The following TBC1D32 variants were observed in gnomAD, a reference collection of about 807,000 sequenced individuals.
TBC1D32 encodes the protein protein broad-minded.
TBC1D32 carries 151 observed loss-of-function variants against 170.3 expected under a neutral mutation model. That is an observed-to-expected ratio of 0.89 (90% CI 0.78 to 1.01). The LOEUF is 1.01. Ranked by LOEUF, TBC1D32 falls within the 50% of genes least tolerant of loss-of-function variation. TBC1D32 has a pLI of 0.00. For missense variants in TBC1D32, 1,464 were observed against 1,457.1 expected, an observed-to-expected ratio of 1.00 and a Z score of -0.08; for synonymous variants, 498 against 488.0, an observed-to-expected ratio of 1.02 and a Z score of -0.27.
chr6:121,308,784 A>T (rs2128485473), intron 4 of TBC1D32, among the ~76,000 whole-genome samples: 1 of 146,724 alleles, frequency 6.8e-6, no homozygotes, highest in Middle Eastern at 3.4e-3. Context: ...CAGAAAGCTT[A>T]CTTCTTAATC....
At chr6:121,181,744 A>C (rs1788540760) in intron 22 of TBC1D32, among the ~76,000 whole-genome samples, 1 of 152,140 alleles carries the variant, frequency 6.6e-6, no homozygotes, top group African/African-American at 2.4e-5. Context: ...ATCAACAAAT[A>C]AATAAAGAAA....
intron 21 of TBC1D32, among the ~76,000 whole-genome samples, chr6:121,219,590 G>C (rs1174571951): frequency 2.0e-5 from 3 of 152,166 alleles, no homozygotes; most frequent in African/African-American, 7.2e-5. Context: ...CGTATAATGT[G>C]CTAGATTTAT....
chr6:121,201,354 G>C (rs1236507832), intron 22 of TBC1D32, among the ~76,000 whole-genome samples: 1 of 151,420 alleles, frequency 6.6e-6, no homozygotes, highest in African/African-American at 2.5e-5. Flanking sequence ...GAGGAAGATA[G>C]GGTCTCTGAC....
intron 21 of TBC1D32, among the ~76,000 whole-genome samples, chr6:121,209,594 C>T (rs1273361469): frequency 2.0e-5 from 3 of 152,118 alleles, no homozygotes; most frequent in Non-Finnish European, 4.4e-5. Context: ...CTTCCTGTGT[C>T]TGGCTTATTT....
intron 22 of TBC1D32, among the ~76,000 whole-genome samples, chr6:121,203,301 A>C (rs1310652204): frequency 6.6e-6 from 1 of 151,444 alleles, no homozygotes; most frequent in Non-Finnish European, 1.5e-5. Context: ...TAGAAATCTC[A>C]AAACTACATT....
intron 26 of TBC1D32, among the ~76,000 whole-genome samples, chr6:121,116,800 G>A (rs1779728725): frequency 6.6e-6 from 1 of 152,180 alleles, no homozygotes; most frequent in African/African-American, 2.4e-5. Flanking sequence ...CTTACATAGT[G>A]GTCTAGTTGT....
At chr6:121,193,175 G>T in intron 22 of TBC1D32, among the ~76,000 whole-genome samples, 1 of 152,310 alleles carries the variant, frequency 6.6e-6, no homozygotes, top group East Asian at 1.9e-4. Flanking sequence ...ATTGATTTAG[G>T]TCCACTAAGT....
chr6:121,121,757 C>T (rs927231317), intron 26 of TBC1D32, among the ~76,000 whole-genome samples: 1 of 151,804 alleles, frequency 6.6e-6, no homozygotes, highest in Non-Finnish European at 1.5e-5. Flanking sequence ...CATTTATTGA[C>T]GTTATTGTTC....
At chr6:121,118,789 T>G (rs1191866137) in intron 26 of TBC1D32, among the ~76,000 whole-genome samples, 2 of 152,172 alleles carry the variant, frequency 1.3e-5, no homozygotes, top group Non-Finnish European at 2.9e-5. Context: ...AAAGTCAGTC[T>G]GTAAGTTCTG....
At chr6:121,188,867 C>T (rs772197801) in intron 22 of TBC1D32, among the ~76,000 whole-genome samples, 1 of 152,128 alleles carries the variant, frequency 6.6e-6, no homozygotes, top group Non-Finnish European at 1.5e-5. Context: ...TAAATGTGGG[C>T]TCTGGGCTGG....
In TBC1D32 at chr6:121,086,873, G is replaced by A. The variant is rs145550349; in HGVS notation, c.3654+3980C>T. 6.2e-3 allele frequency among the ~76,000 whole-genome samples: 936 copies of A among 152,194 alleles called. 9 individuals carry two copies. Among genetic ancestry groups the A allele is most frequent in the African/African-American group, 0.02 (850 of 41,526 alleles). ...TAAACCTGTTTGTGTGTGTGTATGC[G>A]CGCTACAGATGAGTTGAAAGAATAT... On this transcript the variant is annotated intron_variant, in intron 31 of 31. Transcript: ENST00000398212.
intron 17 of TBC1D32, among the ~76,000 whole-genome samples, chr6:121,252,587 G>A (rs530265084): frequency 6.6e-6 from 1 of 152,234 alleles, no homozygotes; most frequent in African/African-American, 2.4e-5. Context: ...AGAGCCAGGG[G>A]AGGGAGAGCA....
intron 22 of TBC1D32, among the ~76,000 whole-genome samples, chr6:121,193,042 A>G (rs1237649353): frequency 2.0e-5 from 3 of 152,206 alleles, no homozygotes; most frequent in African/African-American, 7.2e-5. Flanking sequence ...GCACTACACT[A>G]GAAAAGAACT....
chr6:121,157,906 C>A (rs1416628888), intron 24 of TBC1D32, among the ~76,000 whole-genome samples: 1 of 151,938 alleles, frequency 6.6e-6, no homozygotes, highest in East Asian at 1.9e-4. Flanking sequence ...TGTAGGTGAC[C>A]CAACCTTTCT....
intron 15 of TBC1D32, among the ~76,000 whole-genome samples, chr6:121,270,151 G>C (rs970859676): frequency 3.9e-5 from 6 of 152,016 alleles, no homozygotes; most frequent in Admixed American, 1.3e-4. Context: ...ATGCCCACAA[G>C]AGAAAGCAGG....
intron 29 of TBC1D32, among the ~76,000 whole-genome samples, chr6:121,110,034 G>A (rs998829999): frequency 1.3e-5 from 2 of 151,908 alleles, no homozygotes; most frequent in African/African-American, 2.4e-5. Context: ...GGCAGAGCAC[G>A]AAGTCAGGAG....
chr6:121,275,735 C>G (rs563714160), intron 15 of TBC1D32, among the ~76,000 whole-genome samples: 23 of 152,180 alleles, frequency 1.5e-4, no homozygotes, highest in African/African-American at 5.5e-4. Flanking sequence ...GCCCTCTGAC[C>G]CAGCAATATC....
chr6:121,176,430 C>A (rs1787770635), intron 22 of TBC1D32, among the ~76,000 whole-genome samples: 1 of 152,004 alleles, frequency 6.6e-6, no homozygotes, highest in African/African-American at 2.4e-5. Flanking sequence ...ATTGAGCATC[C>A]CAAACTCCAA....
intron 17 of TBC1D32, among the ~76,000 whole-genome samples, chr6:121,243,493 T>TG (rs1052560636): frequency 9.5e-5 from 3 of 31,440 alleles, no homozygotes; most frequent in African/African-American, 2.2e-4. Context: ...CAAGGCATCA[T>TG]GACTTTGGAT....
Sources: gnomAD v4.1 joint callset for allele counts (sites outside exome capture counted in the v4.1 genomes callset) on GRCh38, gnomAD v4.1.1 for gene constraint, MANE v1.5 for transcripts, NCBI Gene and HGNC (gene_info 2026-07-23, HGNC 2026-07-21) for gene names.